The following DLC1 variants were observed in gnomAD, a reference collection of about 807,000 sequenced individuals.
DLC1 encodes DLC1 Rho GTPase activating protein.
DLC1 carries 54 observed loss-of-function variants against 140.3 expected under a neutral mutation model. The observed-to-expected ratio is 0.38, with a 90% CI of 0.31 to 0.48. The LOEUF (loss-of-function observed/expected upper bound fraction) is 0.48, where lower values mean the gene tolerates loss of function less well. Among genes scored for constraint, DLC1 ranks in the 20% least tolerant of loss-of-function variants. The probability of loss-of-function intolerance (pLI) is 0.96; values close to 1 mark genes in which losing one functional copy is unlikely to be tolerated. For synonymous variants in DLC1, 986 were observed against 728.1 expected (o/e 1.35, Z -5.70); for missense variants, 2,536 against 1,907.0 (o/e 1.33, Z -6.14).
chr8:13,252,304 T>C (rs899537959), intron 5 of DLC1, among the ~76,000 whole-genome samples: 1 of 151,536 alleles, frequency 6.6e-6, no homozygotes, highest in Non-Finnish European at 1.5e-5. Flanking sequence ...AAGAGAGGAG[T>C]ATGTAAAATG....
Position 13,090,216 on chromosome 8 carries a change from T to A in DLC1, c.4074+36A>T, listed in dbSNP as rs757868303. The stretch of plus-strand genomic sequence containing the variant: ...TCTGATGGACCCAAGCTTCGACTCC[T>A]GGACTCAACTAGCCGACAACAGGGT... On this transcript the variant is annotated intron_variant, in intron 15 of 17. Coordinates refer to ENST00000276297, the MANE Select transcript of DLC1 (RefSeq NM_182643.3). 2.4e-5 allele frequency: 39 copies of A among 1,594,478 alleles called. No individual in the cohort carries two copies. The South Asian group carries it at 4.4e-4, about 18-fold the overall frequency.
At chr8:13,306,058 A>G (rs1377255324) in intron 4 of DLC1, among the ~76,000 whole-genome samples, 1 of 152,126 alleles carries the variant, frequency 6.6e-6, no homozygotes, top group Non-Finnish European at 1.5e-5. Context: ...TATTAATCGC[A>G]TCTAGATAAT....
intron 1 of DLC1, among the ~76,000 whole-genome samples, chr8:13,575,776 A>T (rs975498867): frequency 9.9e-5 from 15 of 152,220 alleles, no homozygotes; most frequent in Non-Finnish European, 4.4e-5. Context: ...TTGAGAGCCC[A>T]GCATTGTGTA....
At chr8:13,103,583 A>C in intron 7 of DLC1, among the ~76,000 whole-genome samples, 1 of 152,058 alleles carries the variant, frequency 6.6e-6, no homozygotes, top group Non-Finnish European at 1.5e-5. Flanking sequence ...TCATGCCTGT[A>C]ATCCCAGCAC....
intron 4 of DLC1, among the ~76,000 whole-genome samples, chr8:13,368,521 TA>T (rs1469881360): frequency 1.0e-4 from 15 of 149,916 alleles, no homozygotes; most frequent in African/African-American, 3.2e-4. Flanking sequence ...CCAAGGCAGT[TA>T]AATTTTTTTT....
chr8:13,095,060 C>G (rs370691382), intron 11 of DLC1, 26 bp downstream of exon 11: 128 of 1,613,740 alleles, frequency 7.9e-5, no homozygotes, highest in Non-Finnish European at 1.1e-4. Flanking sequence ...CCCCTGAGTA[C>G]GTGGACCCGC....
chr8:13,307,304 T>G (rs1367812207), intron 4 of DLC1, among the ~76,000 whole-genome samples: 1 of 152,166 alleles, frequency 6.6e-6, no homozygotes, highest in Non-Finnish European at 1.5e-5. Flanking sequence ...TTCCAACAAA[T>G]GGCATAGGCT....
At chr8:13,320,529 C>T (rs1425596051) in intron 4 of DLC1, among the ~76,000 whole-genome samples, 1 of 152,166 alleles carries the variant, frequency 6.6e-6, no homozygotes, top group East Asian at 1.9e-4. Context: ...CACACAACTG[C>T]TATACTCCTG....
intron 5 of DLC1, among the ~76,000 whole-genome samples, chr8:13,117,559 A>C (rs1585675326): frequency 1.3e-5 from 2 of 152,376 alleles, no homozygotes; most frequent in East Asian, 3.9e-4. Context: ...GGAAAGAAAA[A>C]AGGCTGTTTG....
chr8:13,520,862 CATCACCATGTACCACCCTCCA>C (rs1802744110), intron 1 of DLC1, among the ~76,000 whole-genome samples: 1 of 152,060 alleles, frequency 6.6e-6, no homozygotes, highest in Admixed American at 6.5e-5. Context: ...CTTAAGCTGA[CATCACCATGTACCACCCTCCA>C]GTCACCACCC....
At chr8:13,202,921 G>A (rs1004294699) in intron 5 of DLC1, among the ~76,000 whole-genome samples, 1 of 151,992 alleles carries the variant, frequency 6.6e-6, no homozygotes, top group East Asian at 1.9e-4. Context: ...TAATCCACCC[G>A]CCTCAGCCTC....
chr8:13,125,706 C>T (rs539110403), intron 5 of DLC1, among the ~76,000 whole-genome samples: 1 of 151,904 alleles, frequency 6.6e-6, no homozygotes, highest in African/African-American at 2.4e-5. Flanking sequence ...GGAATGGAAG[C>T]TTTGGGGAGC....
At chr8:13,319,819 C>CTTTTTTT (rs547737556) in intron 4 of DLC1, among the ~76,000 whole-genome samples, 21,684 of 74,830 alleles carry the variant, frequency 0.29, 6,234 homozygotes, top group East Asian at 0.41. Flanking sequence ...TTCTCTCTCT[C>CTTTTTTT]TCTTTTTTTT....
intron 2 of DLC1, among the ~76,000 whole-genome samples, chr8:13,437,077 G>A (rs1276950883): frequency 6.6e-6 from 1 of 152,166 alleles, no homozygotes; most frequent in Non-Finnish European, 1.5e-5. Context: ...ATGGCCCAAT[G>A]AACTTCTACT....
At chr8:13,228,125 A>G (rs1828878515) in intron 5 of DLC1, among the ~76,000 whole-genome samples, 1 of 152,176 alleles carries the variant, frequency 6.6e-6, no homozygotes, top group South Asian at 2.1e-4. Context: ...TTATTGTTGG[A>G]ACAAAACTCA....
chr8:13,182,807 C>G (rs974438936), intron 5 of DLC1, among the ~76,000 whole-genome samples: 2 of 152,254 alleles, frequency 1.3e-5, no homozygotes, highest in South Asian at 4.2e-4. Flanking sequence ...AATGTGGGCT[C>G]TTTTTTGGTT....
intron 5 of DLC1, among the ~76,000 whole-genome samples, chr8:13,169,193 T>A (rs1243367082): frequency 6.6e-6 from 1 of 152,218 alleles, no homozygotes; most frequent in Admixed American, 6.5e-5. Flanking sequence ...TAACCTTTGA[T>A]TGGTTTGTTC....
chr8:13,188,148 A>G (rs995208300), intron 5 of DLC1, among the ~76,000 whole-genome samples: 1 of 141,936 alleles, frequency 7.0e-6, no homozygotes, highest in East Asian at 2.1e-4. Context: ...CAATGGTGCA[A>G]TCTCAGCTCA....
intron 2 of DLC1, among the ~76,000 whole-genome samples, chr8:13,422,838 C>T (rs1003002798): frequency 2.0e-5 from 3 of 151,596 alleles, no homozygotes; most frequent in African/African-American, 7.3e-5. Context: ...GAGCAAAGTG[C>T]TATTAAAGCA....
Sources: gnomAD v4.1 joint callset for allele counts (sites outside exome capture counted in the v4.1 genomes callset) on GRCh38, gnomAD v4.1.1 for gene constraint, MANE v1.5 for transcripts, NCBI Gene and HGNC (gene_info 2026-07-23, HGNC 2026-07-21) for gene names.